Variants in EPB41L3 observed in about 807,000 individuals in gnomAD.
The protein encoded by EPB41L3 is erythrocyte membrane protein band 4.1 like 3.
A neutral mutation model predicts 127.1 loss-of-function variants in EPB41L3; 57 were observed. The observed-to-expected ratio is 0.45, with a 90% CI of 0.36 to 0.56. EPB41L3 has a LOEUF of 0.56. EPB41L3 is among the 20% of genes least tolerant of loss of function. EPB41L3 has a pLI of 0.00. For synonymous variants in EPB41L3, 572 were observed against 549.5 expected (o/e 1.04, Z -0.57); for missense variants, 1,273 against 1,372.2 (o/e 0.93, Z 1.14).
intron 1 of EPB41L3, among the ~76,000 whole-genome samples, chr18:5,510,550 T>C (rs1046700451): frequency 6.6e-6 from 1 of 152,210 alleles, no homozygotes; most frequent in South Asian, 2.1e-4. Context: ...AGTTCAGCAG[T>C]GAAGGTCAGT....
intron 3 of EPB41L3, among the ~76,000 whole-genome samples, chr18:5,556,065 A>G (rs1192341755): frequency 6.6e-6 from 1 of 152,088 alleles, no homozygotes. Context: ...GGTTGCTTCT[A>G]CTCACCACTG....
At chr18:5,559,372 C>T (rs1190747706) in intron 3 of EPB41L3, among the ~76,000 whole-genome samples, 3 of 152,268 alleles carry the variant, frequency 2.0e-5, no homozygotes, top group South Asian at 2.1e-4. Flanking sequence ...CTTCTCCACC[C>T]GCCTTGCAAG....
At chr18:5,472,663 C>A (rs1457630737) in intron 3 of EPB41L3, among the ~76,000 whole-genome samples, 1 of 152,122 alleles carries the variant, frequency 6.6e-6, no homozygotes, top group Non-Finnish European at 1.5e-5. Context: ...TACATTATGG[C>A]AATTCTATTT....
chr18:5,434,552 T>C (rs1293663417), intron 6 of EPB41L3, among the ~76,000 whole-genome samples: 2 of 152,198 alleles, frequency 1.3e-5, no homozygotes, highest in African/African-American at 4.8e-5. Flanking sequence ...TTGCAGTCAA[T>C]GATGGACCAC....
At chr18:5,520,068 T>A (rs1259864166) in intron 1 of EPB41L3, among the ~76,000 whole-genome samples, 1 of 152,148 alleles carries the variant, frequency 6.6e-6, no homozygotes, top group African/African-American at 2.4e-5. Flanking sequence ...ATAAAAGCAA[T>A]ATACAGTAAT....
At chr18:5,484,954 T>C (rs1288872184) in intron 2 of EPB41L3, among the ~76,000 whole-genome samples, 3 of 148,932 alleles carry the variant, frequency 2.0e-5, no homozygotes, top group Non-Finnish European at 3.0e-5. Flanking sequence ...AAAAAAAAAA[T>C]TGGAGAGGAG....
chr18:5,462,387 C>T (rs147660926), intron 3 of EPB41L3, among the ~76,000 whole-genome samples: 1 of 152,310 alleles, frequency 6.6e-6, no homozygotes, highest in East Asian at 1.9e-4. Context: ...AAGAGCATGA[C>T]AACACTCAAT....
Position 5,420,932 on chromosome 18 carries a change from C to CTTT in EPB41L3, c.1340-1056_1340-1055insAAA, listed in dbSNP as rs879452458. On this transcript the variant is annotated intron_variant, in intron 11 of 22. Transcript: ENST00000341928. ...TGTCACTAAAATATCTTCACTAAGA[C>CTTT]ATTTTATATCTCTTTACACCGTTGA... 3.9e-3 allele frequency among the ~76,000 whole-genome samples: 587 copies of CTTT among 152,264 alleles called. 9 individuals carry two copies. Among genetic ancestry groups the CTTT allele is most frequent in the Admixed American group, 0.032 (484 of 15,296 alleles).
rs75014053 is a variant in EPB41L3, at chr18:5,472,048, C to T, written c.381+6193G>A. Among the ~76,000 whole-genome samples, 969 of 152,062 alleles carry T rather than the reference C, an allele frequency of 6.4e-3. 10 individuals are homozygous for T. The highest frequency in any genetic ancestry group is 0.021 in the African/African-American group (879 of 41,440). On this transcript the variant is annotated intron_variant, in intron 3 of 22. Transcript: ENST00000341928. ...TACTGTTTATATTTCTTGATATATA[C>T]ACTCACATTTTTAATATTTATATTG...
intron 1 of EPB41L3, among the ~76,000 whole-genome samples, chr18:5,537,996 T>C (rs1420191211): frequency 6.6e-6 from 1 of 152,110 alleles, no homozygotes; most frequent in African/African-American, 2.4e-5. Flanking sequence ...AAACCATATT[T>C]CATAAGATTC....
chr18:5,606,912 C>G (rs866571336), intron 3 of EPB41L3, among the ~76,000 whole-genome samples: 3 of 146,520 alleles, frequency 2.0e-5, no homozygotes, highest in South Asian at 2.2e-4. Flanking sequence ...CTCTCTCTCT[C>G]TCTGTCTCTC....
rs1388202221 is a variant in EPB41L3, at chr18:5,397,287, G to A, written c.2612C>T (p.Ser871Phe). 1.2e-6 allele frequency: 2 copies of A among 1,613,888 alleles called. No individual in the cohort carries two copies. Among genetic ancestry groups the A allele is most frequent in the Non-Finnish European group, 1.7e-6 (2 of 1,179,976 alleles). ...ATCCCCGCTGTCTCCCGCCGAGTAA[G>A]AAGCATCCCCACTCGCGTGCACCAC... ...RRVVHASGDA[S>F]YSAGDSGDAA... Residue 871 changes from serine to phenylalanine, a missense_variant, in exon 18 of 23, where the codon TCT becomes TTT. Ser to Phe is a radical substitution (Grantham distance 155). Around this residue, in one of 3 missense-constraint regions of EPB41L3, gnomAD observed 765 missense variants for 782.9 expected, o/e 0.98. Coordinates refer to ENST00000341928, the MANE Select transcript of EPB41L3 (RefSeq NM_012307.5). This position sits in a 1 kb window ranked among gnomAD's most constrained non-coding sequence, Gnocchi z 4.1.
At position 5,419,840 on chromosome 18, in the gene EPB41L3, G is replaced by A; in HGVS notation, c.1377C>T (p.Ile459=). 1 of 1,614,206 alleles carries A rather than the reference G, an allele frequency of 6.2e-7. No individual in the cohort carries two copies. The highest frequency in any genetic ancestry group is 2.2e-5 in the East Asian group (1 of 44,884). ...GTGQYATTKG[I]SQTNLITTVT... ...CAGTGGTGATCAAGTTGGTCTGAGAGATGCCTTTTGTTGTGGCGTACTGGC... is the reference window on the plus strand; with the variant it reads ...CAGTGGTGATCAAGTTGGTCTGAGAAATGCCTTTTGTTGTGGCGTACTGGC... Residue 459 remains isoleucine (I), a synonymous_variant, in exon 12 of 23, where the codon ATC becomes ATT. Coordinates refer to ENST00000341928, the MANE Select transcript of EPB41L3 (RefSeq NM_012307.5).
intron 5 of EPB41L3, among the ~76,000 whole-genome samples, chr18:5,441,301 T>A (rs946825194): frequency 4.6e-5 from 7 of 152,216 alleles, no homozygotes; most frequent in African/African-American, 1.7e-4. Context: ...CATGGAAACA[T>A]CCTTTTATCA....
At chr18:5,400,301 A>AC (rs2074294627) in intron 16 of EPB41L3, 1 of 303,048 alleles carries the variant, frequency 3.3e-6, no homozygotes, top group Non-Finnish European at 6.5e-6. Flanking sequence ...TTCACAGATT[A>AC]CAGAGGGAAG....
At position 5,577,400 on chromosome 18, in the gene EPB41L3, T is replaced by C. The variant is rs2143040841; in HGVS notation, c.-306+34940A>G. The C allele has an allele frequency of 6.7e-6, 3 of 448,100 alleles. 1 individual carries two copies. Among genetic ancestry groups the C allele is most frequent in the South Asian group, 4.8e-5 (3 of 62,482 alleles). The allele number at this position is 448,100 out of a possible 1,614,324, so 27.8% of individuals were successfully genotyped here. ...AAGATGGCATGCTGCAGTGCAGCAA[T>C]TTCAAAGTTACTGTAGCATTGACTC... On this transcript the variant is annotated intron_variant, in intron 3 of 21. Coordinates refer to the EPB41L3 transcript ENST00000545076.
At chr18:5,614,921 G>A (rs1599331320) in intron 1 of EPB41L3, among the ~76,000 whole-genome samples, 1 of 152,084 alleles carries the variant, frequency 6.6e-6, no homozygotes, top group East Asian at 1.9e-4. Flanking sequence ...GCTATGTCAG[G>A]GTCAGGTTAT....
At chr18:5,513,540 A>G (rs1468212216) in intron 1 of EPB41L3, among the ~76,000 whole-genome samples, 1 of 152,212 alleles carries the variant, frequency 6.6e-6, no homozygotes, top group Non-Finnish European at 1.5e-5. Context: ...ATAGAGACAC[A>G]GTAAAACCTA....
chr18:5,619,739 T>C (rs2094839325), intron 1 of EPB41L3, among the ~76,000 whole-genome samples: 1 of 152,210 alleles, frequency 6.6e-6, no homozygotes, highest in Non-Finnish European at 1.5e-5. Context: ...TTATTTTTTA[T>C]TTATTTTAAT....
Sources: allele counts gnomAD v4.1 joint callset (sites outside exome capture counted in the v4.1 genomes callset), GRCh38; gene constraint gnomAD v4.1.1; regional missense constraint gnomAD v4.1.1; non-coding constraint Gnocchi (gnomAD v3.1); transcripts MANE v1.5; gene names NCBI Gene and HGNC (gene_info 2026-07-23, HGNC 2026-07-21).